PCDHA2: variants seen among roughly 807,000 people sequenced by gnomAD.
The protein encoded by PCDHA2 is protocadherin alpha-2.
PCDHA2 carries 58 observed loss-of-function variants against 66.0 expected under a neutral mutation model. The ratio of observed to expected loss-of-function variants is 0.88; its 90% CI spans 0.71 to 1.09. The LOEUF (loss-of-function observed/expected upper bound fraction) is 1.09, where lower values mean the gene tolerates loss of function less well. Ranked by LOEUF, PCDHA2 falls within the 50% of genes least tolerant of loss-of-function variation. PCDHA2 has a pLI of 0.00. For synonymous variants in PCDHA2, 634 were observed against 554.0 expected (o/e 1.14, Z -2.03); for missense variants, 1,267 against 1,242.3 (o/e 1.02, Z -0.30).
chr5:140,921,283 C>T (rs1484079224), intron 1 of PCDHA2, among the ~76,000 whole-genome samples: 2 of 151,974 alleles, frequency 1.3e-5, no homozygotes, highest in Non-Finnish European at 2.9e-5. Flanking sequence ...TTGAAAAAAA[C>T]CTCAAATTTG....
chr5:140,884,051 C>T (rs782045843), intron 1 of PCDHA2: 4 of 1,613,308 alleles, frequency 2.5e-6, no homozygotes, highest in Non-Finnish European at 2.5e-6. Context: ...GGCGAAGGTG[C>T]GCGCGGTGGA....
At chr5:140,928,137 C>T (rs537220203) in intron 1 of PCDHA2, 14 of 1,614,066 alleles carry the variant, frequency 8.7e-6, no homozygotes, top group Admixed American at 1.7e-5. Flanking sequence ...AAGTCCTGAT[C>T]ACGGCCTCAG....
At position 141,009,636 on chromosome 5, in the gene PCDHA2, C is replaced by T. The variant is rs782321757; in HGVS notation, c.2546C>T (p.Ala849Val). ...ATGTTTTGTCTTTCAGAACCAGAGG[C>T]AGGAGAAGTGTCCCCTCCAGTCGGT... ...TVSSATPEPE[A>V]GEVSPPVGAG... Residue 849 changes from alanine (A) to valine (V), a missense_variant, in exon 4 of 4, where the codon GCA becomes GTA. Physicochemically the swap from Ala to Val is moderately conservative, Grantham distance 64. Transcript: ENST00000526136. 3.7e-6 allele frequency: 6 copies of T among 1,613,192 alleles called. No homozygotes were observed. Among genetic ancestry groups the T allele is most frequent in the Non-Finnish European group, 4.2e-6 (5 of 1,179,532 alleles).
intron 1 of PCDHA2, among the ~76,000 whole-genome samples, chr5:140,903,138 A>T (rs188809018): frequency 6.6e-6 from 1 of 152,258 alleles, no homozygotes; most frequent in East Asian, 1.9e-4. Context: ...AAATCTCCAA[A>T]CTGTTTTCCA....
intron 1 of PCDHA2, chr5:140,870,343 C>T (rs375366430): frequency 1.9e-6 from 3 of 1,614,160 alleles, no homozygotes; most frequent in African/African-American, 2.7e-5. Flanking sequence ...CGCCCTGGAC[C>T]GCGAGAACGT....
chr5:140,890,739 C>T (rs1202760840), intron 1 of PCDHA2, among the ~76,000 whole-genome samples: 1 of 152,112 alleles, frequency 6.6e-6, no homozygotes, highest in Non-Finnish European at 1.5e-5. Flanking sequence ...GACTTATATA[C>T]TATTTCTGTC....
chr5:140,841,857 T>G (rs182904804), intron 1 of PCDHA2: 1 of 1,613,742 alleles, frequency 6.2e-7, no homozygotes, highest in Non-Finnish European at 8.5e-7. Context: ...GATTACTTCA[T>G]GCTAGATGTG....
intron 1 of PCDHA2, among the ~76,000 whole-genome samples, chr5:140,831,917 A>T (rs2150198247): frequency 0.034 from 5,232 of 152,270 alleles, 320 homozygotes; most frequent in African/African-American, 0.12. Flanking sequence ...TGCTTAAAAA[A>T]TTTGCTACTA....
At chr5:140,958,218 A>C (rs1240262632) in intron 1 of PCDHA2, among the ~76,000 whole-genome samples, 2 of 152,120 alleles carry the variant, frequency 1.3e-5, no homozygotes, top group Admixed American at 1.3e-4. Flanking sequence ...TTAGATTTTA[A>C]AGGACTTTCA....
rs190155701 is a variant in PCDHA2, at chr5:140,878,924, A to G, written c.2388+81572A>G. Among the ~76,000 whole-genome samples, 11 of 152,344 alleles carry G rather than the reference A, an allele frequency of 7.2e-5. No homozygotes were observed. The East Asian group carries it at 2.1e-3, about 29-fold the overall frequency. ...GCTCCACCACTCCCAGCTTCAATCA[A>G]TAATTTTAAATAAATATATGGTATT... On this transcript the variant is annotated intron_variant, in intron 1 of 3. Transcript: ENST00000526136.
At chr5:140,928,056 G>T (rs183490994) in intron 1 of PCDHA2, 1 of 1,614,154 alleles carries the variant, frequency 6.2e-7, no homozygotes, top group Admixed American at 1.7e-5. Flanking sequence ...TTCAGCTGAC[G>T]GCTTCCTTTG....
At position 140,830,355 on chromosome 5, in the gene PCDHA2, G is replaced by T. The variant is rs2150185270; in HGVS notation, c.2388+33003G>T. The T allele has an allele frequency of 1.8e-5, 29 of 1,614,002 alleles. No individual in the cohort carries two copies. The African/African-American group carries it at 2.7e-4, about 15-fold the overall frequency. ...AGCTGGTCGTACTCGCAGCAGAGGC[G>T]GCAGAGGGTGTGCTCCGGGGAGGGC... On this transcript the variant is annotated intron_variant, in intron 1 of 3. Coordinates refer to ENST00000526136, the MANE Select transcript of PCDHA2 (RefSeq NM_018905.3).
intron 1 of PCDHA2, among the ~76,000 whole-genome samples, chr5:140,798,664 C>T (rs182647763): frequency 1.5e-4 from 23 of 152,280 alleles, no homozygotes; most frequent in Admixed American, 2.6e-4. Flanking sequence ...TGGAAGCATC[C>T]ATATTCCTAA....
intron 3 of PCDHA2, among the ~76,000 whole-genome samples, chr5:140,998,370 G>A (rs1321470929): frequency 2.6e-5 from 4 of 152,106 alleles, no homozygotes; most frequent in Admixed American, 1.3e-4. Flanking sequence ...TGCACACACC[G>A]TCTCTAGAAA....
chr5:140,985,885 G>A (rs1218097274), intron 3 of PCDHA2, among the ~76,000 whole-genome samples: 4 of 151,548 alleles, frequency 2.6e-5, no homozygotes, highest in Non-Finnish European at 5.9e-5. Flanking sequence ...GACTACAGGC[G>A]CCCGCCACCA....
chr5:140,860,143 G>A (rs1226085674), intron 1 of PCDHA2: 2 of 148,758 alleles, frequency 1.3e-5, no homozygotes, highest in Non-Finnish European at 3.0e-5. Context: ...GTATATATAT[G>A]TATATATGTG....
chr5:140,808,549 G>T (rs782013709), intron 1 of PCDHA2: 1 of 1,614,016 alleles, frequency 6.2e-7, no homozygotes, highest in African/African-American at 1.3e-5. Flanking sequence ...ACGCTCCGGC[G>T]TTCGCGCAGC....
At chr5:140,896,583 G>A (rs557774521) in intron 1 of PCDHA2, among the ~76,000 whole-genome samples, 1 of 151,770 alleles carries the variant, frequency 6.6e-6, no homozygotes, top group South Asian at 2.1e-4. Context: ...TGACGTGTTG[G>A]CCAGGCTGGT....
chr5:140,977,433 A>G (rs939711301), intron 1 of PCDHA2, among the ~76,000 whole-genome samples: 6 of 152,218 alleles, frequency 3.9e-5, no homozygotes, highest in Non-Finnish European at 7.3e-5. Flanking sequence ...TAACACCGCT[A>G]GTAGATAATG....
Sources: allele counts gnomAD v4.1 joint callset (sites outside exome capture counted in the v4.1 genomes callset), GRCh38; gene constraint gnomAD v4.1.1; transcripts MANE v1.5; gene names NCBI Gene and HGNC (gene_info 2026-07-23, HGNC 2026-07-21).